The following RGS10 variants were observed in gnomAD, a reference collection of about 807,000 sequenced individuals.
The protein encoded by RGS10 is regulator of G-protein signalling 10.
In RGS10, 11 loss-of-function variants were observed where a neutral mutation model predicts 23.5. The observed-to-expected ratio is 0.47, with a 90% CI of 0.29 to 0.77. The LOEUF (loss-of-function observed/expected upper bound fraction) is 0.77. Ranked by LOEUF, RGS10 falls within the 30% of genes least tolerant of loss-of-function variation. The pLI is 0.08. For synonymous variants in RGS10, 77 were observed against 83.2 expected (o/e 0.92, Z 0.41); for missense variants, 180 against 226.3 (o/e 0.80, Z 1.31).
Position 119,527,444 on chromosome 10 carries a change from C to T in RGS10, c.50-20G>A. 1 of 1,581,292 alleles carries T rather than the reference C, an allele frequency of 6.3e-7. No homozygotes were observed. Among genetic ancestry groups the T allele is most frequent in the Non-Finnish European group, 8.7e-7 (1 of 1,150,100 alleles). On this transcript the variant is annotated intron_variant, in intron 1 of 4. Coordinates refer to ENST00000369103, the MANE Select transcript of RGS10 (RefSeq NM_001005339.2). This position sits in a 1 kb window ranked among gnomAD's most constrained non-coding sequence, Gnocchi z 4.2. ...GGATGTCTGCAAAGCAAAGTTCAGA[C>T]TGCATATGTGGCCAACAGACACTGT...
In RGS10 at chr10:119,515,539, G is replaced by T; in HGVS notation, c.369C>A (p.His123Gln). 1 of 1,614,180 alleles carries T rather than the reference G, an allele frequency of 6.2e-7. No homozygotes were observed. Among genetic ancestry groups the T allele is most frequent in the African/African-American group, 1.3e-5 (1 of 75,054 alleles). ...RLNEKILEEP[H>Q]PLMFQKLQDQ... ...CCTGGAGTTTCTGGAACATCAGAGGGTGCGGTTCTTCCAGGATCTTCTCGT... is the reference window on the plus strand; with the variant it reads ...CCTGGAGTTTCTGGAACATCAGAGGTTGCGGTTCTTCCAGGATCTTCTCGT... The change falls in exon 4 of 5, where the codon CAC becomes CAA. Residue 123 changes from histidine (H) to glutamine (Q), a missense_variant. Transcript: ENST00000369103.
At position 119,538,724 on chromosome 10, in the gene RGS10, C is replaced by T. The variant is rs917083763; in HGVS notation, c.49+3866G>A. On this transcript the variant is annotated intron_variant, in intron 1 of 4. Coordinates refer to ENST00000369103, the MANE Select transcript of RGS10 (RefSeq NM_001005339.2). This position sits in a 1 kb window ranked among gnomAD's most constrained non-coding sequence, Gnocchi z 4.5. ...TCTGCAAGGGACTGTCTCACTCCAG[C>T]GGATGCCGCCTGACAGCTCTTATCA... Among the ~76,000 whole-genome samples the T allele has an allele frequency of 1.3e-5, 2 of 152,146 alleles. No individual in the cohort carries two copies. The highest frequency in any genetic ancestry group is 4.8e-5 in the African/African-American group (2 of 41,424).
chr10:119,537,623 A>G (rs1329700008), intron 1 of RGS10, among the ~76,000 whole-genome samples: 2 of 152,164 alleles, frequency 1.3e-5, no homozygotes, highest in Non-Finnish European at 2.9e-5. Flanking sequence ...GATGCCAGAA[A>G]TGAAAGGTGG....
intron 4 of RGS10, among the ~76,000 whole-genome samples, chr10:119,513,386 G>A (rs1844099576): frequency 1.3e-5 from 2 of 152,116 alleles, no homozygotes; most frequent in African/African-American, 4.8e-5. Flanking sequence ...CTTGAGCCCG[G>A]GAGGCCAAGG....
intron 3 of RGS10, among the ~76,000 whole-genome samples, chr10:119,525,323 G>A (rs1233243321): frequency 2.6e-5 from 4 of 152,224 alleles, no homozygotes; most frequent in Admixed American, 6.5e-5. Flanking sequence ...TGTGCAGGCA[G>A]ACAGAACGTC....
intron 3 of RGS10, among the ~76,000 whole-genome samples, chr10:119,522,456 C>A (rs1055186038): frequency 2.6e-5 from 4 of 152,170 alleles, no homozygotes; most frequent in African/African-American, 9.7e-5. Context: ...CGGTGGCTCA[C>A]GTCTGTAGTC....
At chr10:119,514,526 T>C (rs1202948502) in intron 4 of RGS10, among the ~76,000 whole-genome samples, 4 of 151,464 alleles carry the variant, frequency 2.6e-5, no homozygotes, top group Non-Finnish European at 4.4e-5. Context: ...TGTGTGGTGG[T>C]GGGCGCCTGT....
At position 119,530,231 on chromosome 10, in the gene RGS10, T is replaced by A. The variant is rs114727658; in HGVS notation, c.50-2807A>T. 1.9e-3 allele frequency among the ~76,000 whole-genome samples: 284 copies of A among 152,336 alleles called. 3 individuals carry two copies. Among genetic ancestry groups the A allele is most frequent in the African/African-American group, 6.3e-3 (263 of 41,580 alleles). On this transcript the variant is annotated intron_variant, in intron 1 of 4. Coordinates refer to ENST00000369103, the MANE Select transcript of RGS10 (RefSeq NM_001005339.2). ...AAAATGGTTTTGGAGAAAATCTGTATCAGAGCACACTGGACTTACTTAATA... is the reference window on the plus strand; with the variant it reads ...AAAATGGTTTTGGAGAAAATCTGTAACAGAGCACACTGGACTTACTTAATA...
intron 4 of RGS10, among the ~76,000 whole-genome samples, chr10:119,513,485 A>T (rs1025281338): frequency 4.6e-5 from 7 of 151,364 alleles, no homozygotes; most frequent in African/African-American, 1.7e-4. Context: ...TAAATAAATA[A>T]ATAAAATTCT....
chr10:119,515,792 C>T (rs1196534775), intron 3 of RGS10, 140 bp from the exon 4 acceptor site: 1 of 960,122 alleles, frequency 1.0e-6, no homozygotes, highest in African/African-American at 1.6e-5. Context: ...GCTCTCAGGC[C>T]ACTCCAGAGA....
Position 119,524,090 on chromosome 10 carries a change from T to A in RGS10, c.255+1942A>T, listed in dbSNP as rs146265582. Among the ~76,000 whole-genome samples, 7 of 152,196 alleles carry A rather than the reference T, an allele frequency of 4.6e-5. No homozygotes were observed. Among genetic ancestry groups the A allele is most frequent in the Non-Finnish European group, 8.8e-5 (6 of 67,998 alleles). ...TAAAAAGCCACTTCCCCTGGATCCC[T>A]CCCCGTTGCCCACGCCTTGCTCCCA... On this transcript the variant is annotated intron_variant, in intron 3 of 4. Coordinates refer to ENST00000369103, the MANE Select transcript of RGS10 (RefSeq NM_001005339.2). The surrounding 1 kb of genome is among the most constrained non-coding windows in gnomAD (Gnocchi z 5.2).
chr10:119,528,002 A>T (rs1844294567), intron 1 of RGS10, among the ~76,000 whole-genome samples: 1 of 152,174 alleles, frequency 6.6e-6, no homozygotes, highest in Non-Finnish European at 1.5e-5. Context: ...CCAGGCATCA[A>T]GATAAATGTC....
At chr10:119,508,159 G>A (rs1271493196) in intron 4 of RGS10, among the ~76,000 whole-genome samples, 4 of 151,724 alleles carry the variant, frequency 2.6e-5, no homozygotes, top group Non-Finnish European at 4.4e-5. Flanking sequence ...CACCATGTCC[G>A]GCTAATTTTT....
intron 1 of RGS10, among the ~76,000 whole-genome samples, chr10:119,537,408 GTTGACAT>G (rs1844400016): frequency 6.7e-6 from 1 of 148,858 alleles, no homozygotes; most frequent in Non-Finnish European, 1.5e-5. Context: ...AAAAAGAAAA[GTTGACAT>G]TTACTGAGCA....
rs1362828117 is a variant in RGS10, at chr10:119,524,526, ACAGTCTAG to A, written c.255+1498_255+1505del. 1.3e-5 allele frequency among the ~76,000 whole-genome samples: 2 copies of A among 152,156 alleles called. No homozygotes were observed. Among genetic ancestry groups the A allele is most frequent in the Non-Finnish European group, 2.9e-5 (2 of 68,030 alleles). ...TGGTGAGGCTGGTCGCAGCGGTGGCACAGTCTAGCATTTATCGATGGTGGTCCCCAGGC... is the reference window on the plus strand; with the variant it reads ...TGGTGAGGCTGGTCGCAGCGGTGGCACATTTATCGATGGTGGTCCCCAGGC... On this transcript the variant is annotated intron_variant, in intron 3 of 4. Transcript: ENST00000369103. The surrounding 1 kb of genome is among the most constrained non-coding windows in gnomAD (Gnocchi z 5.2).
chr10:119,513,856 G>T (rs1589835505), intron 4 of RGS10, among the ~76,000 whole-genome samples: 2 of 152,210 alleles, frequency 1.3e-5, no homozygotes, highest in Non-Finnish European at 1.5e-5. Flanking sequence ...TGGTCATGGG[G>T]GGAGCATGGT....
In RGS10 at chr10:119,515,336, T is replaced by G. The variant is rs764884541; in HGVS notation, c.399+173A>C. On this transcript the variant is annotated intron_variant, in intron 4 of 4. Coordinates refer to ENST00000369103, the MANE Select transcript of RGS10 (RefSeq NM_001005339.2). ...GACTCCTGTGGGGCAAATCTCAAGC[T>G]TAGAATTCTGGTCCCCACTCTCCCC... The G allele has an allele frequency of 4.6e-5, 33 of 722,502 alleles. No homozygotes were observed. In the Middle Eastern group the frequency reaches 1.1e-3, roughly 25 times the overall value. The allele number at this position is 722,502 out of a possible 1,614,324, so 44.8% of individuals were successfully genotyped here. A position where few individuals can be genotyped will look rare whatever the true frequency, so the allele number is the denominator to read the frequency against.
chr10:119,506,492 A>G (rs942189372), intron 4 of RGS10, among the ~76,000 whole-genome samples: 50 of 152,248 alleles, frequency 3.3e-4, no homozygotes, highest in African/African-American at 1.2e-3. Context: ...TCCCCTCCCA[A>G]GCTCACGGGT....
chr10:119,504,184 T>TTTG (rs1186321057), intron 4 of RGS10, among the ~76,000 whole-genome samples: 2 of 152,338 alleles, frequency 1.3e-5, no homozygotes, highest in East Asian at 1.9e-4. Context: ...TACGTTCTTT[T>TTTG]TTGTTGTTGT....
Sources: gnomAD v4.1 joint callset for allele counts (sites outside exome capture counted in the v4.1 genomes callset) on GRCh38, gnomAD v4.1.1 for gene constraint, Gnocchi (gnomAD v3.1) non-coding constraint, MANE v1.5 for transcripts, NCBI Gene and HGNC (gene_info 2026-07-23, HGNC 2026-07-21) for gene names.